The following CENPM variants were observed in gnomAD, a reference collection of about 807,000 sequenced individuals.
CENPM encodes the protein centromere protein M.
Under a neutral mutation model 19.6 loss-of-function variants are expected in CENPM, and 14 were observed. The ratio of observed to expected loss-of-function variants is 0.71; its 90% confidence interval spans 0.47 to 1.11. CENPM has a LOEUF of 1.11. Among genes scored for constraint, CENPM ranks in the 50% most tolerant of loss-of-function variants. The pLI, the probability that CENPM is intolerant of heterozygous loss-of-function variation, is 0.00. For missense variants in CENPM, 239 were observed against 228.4 expected, an observed-to-expected ratio of 1.05 and a Z score of -0.30; for synonymous variants, 114 against 101.5, an observed-to-expected ratio of 1.12 and a Z score of -0.74.
At chr22:41,936,456 T>C (rs1219795321), downstream of CENPM, among the ~76,000 whole-genome samples, 1 of 152,146 alleles carries the variant, frequency 6.6e-6, no homozygotes, top group Non-Finnish European at 1.5e-5. Context: ...TGCCAGGAAG[T>C]CAGCCAGGTG....
Position 41,938,803 on chromosome 22 carries a change from C to T in CENPM, c.*253G>A, listed in dbSNP as rs529394910. 33 of 445,708 alleles carry T rather than the reference C, an allele frequency of 7.4e-5. No homozygotes were observed. In the Admixed American group the frequency reaches 1.0e-3, roughly 14 times the overall value. 27.6% of individuals were successfully genotyped at this position (445,708 alleles called of 1,614,324 possible). On this transcript the variant is annotated 3_prime_UTR_variant, in exon 6 of 6. Coordinates refer to ENST00000215980, the MANE Select transcript of CENPM (RefSeq NM_024053.5). Reference sequence around the variant, plus strand: ...GGAAACCTTAAATGGAGATGTAACACGCCAGCTGCTTAAAGACACAGGCTC... The same window carrying T: ...GGAAACCTTAAATGGAGATGTAACATGCCAGCTGCTTAAAGACACAGGCTC...
intron 3 of CENPM, 142 bp from the exon 4 acceptor site, chr22:41,945,446 A>T: frequency 5.3e-6 from 7 of 1,332,976 alleles, no homozygotes; most frequent in Admixed American, 3.1e-5. Flanking sequence ...TTTGTCCTTT[A>T]ATTTTTTTTT....
chr22:41,934,471 C>T (rs2077675956), downstream of CENPM, among the ~76,000 whole-genome samples: 1 of 152,222 alleles, frequency 6.6e-6, no homozygotes, highest in Non-Finnish European at 1.5e-5. Flanking sequence ...GCGCCGCTTC[C>T]AGTAGCCTTC....
At chr22:41,939,398 A>G (rs930591372) in intron 5 of CENPM, among the ~76,000 whole-genome samples, 3 of 152,130 alleles carry the variant, frequency 2.0e-5, no homozygotes, top group Non-Finnish European at 2.9e-5. Context: ...CAATCCTTCA[A>G]ACAACCTCCG....
intron 5 of CENPM, among the ~76,000 whole-genome samples, chr22:41,942,737 C>A (rs1456146761): frequency 7.1e-6 from 1 of 141,810 alleles, no homozygotes; most frequent in Non-Finnish European, 1.5e-5. Context: ...GACAACAGAG[C>A]AAGACTCCAT....
At chr22:41,934,659 C>A (rs1322196652), downstream of CENPM, among the ~76,000 whole-genome samples, 3 of 152,164 alleles carry the variant, frequency 2.0e-5, no homozygotes, top group Non-Finnish European at 4.4e-5. Flanking sequence ...ATAGCAAGAC[C>A]CCATCTCTAA....
chr22:41,940,637 C>G, intron 5 of CENPM, among the ~76,000 whole-genome samples: 1 of 152,144 alleles, frequency 6.6e-6, no homozygotes, highest in Non-Finnish European at 1.5e-5. Flanking sequence ...CCTTCCACCT[C>G]GGCCTCCCTA....
At chr22:41,939,298 T>C (rs933886606) in intron 5 of CENPM, 102 bp from the exon 6 acceptor site, 20 of 1,416,074 alleles carry the variant, frequency 1.4e-5, no homozygotes, top group African/African-American at 4.3e-5. Flanking sequence ...GGGCGGATAC[T>C]TGGGGGTAGC....
chr22:41,937,101 C>G (rs75692143), downstream of CENPM, among the ~76,000 whole-genome samples: 4,441 of 152,228 alleles, frequency 0.029, 197 homozygotes, highest in African/African-American at 0.1. Flanking sequence ...GGACCTGGCT[C>G]TCTATGGGAT....
chr22:41,938,857 G>A lies in CENPM; in HGVS notation c.*199C>T. The A allele has an allele frequency of 1.7e-6, 1 of 582,612 alleles. No individual in the cohort carries two copies. The highest frequency in any genetic ancestry group is 3.1e-5 in the Admixed American group (1 of 31,796). The allele number at this position is 582,612 out of a possible 1,614,324, so 36.1% of individuals were successfully genotyped here. ...AAGAGTGAGTGTGGGAGTGGGAGGG[G>A]GCTACAGTCTCGCCAGCTGGGCCCC... On this transcript the variant is annotated 3_prime_UTR_variant, in exon 6 of 6. Coordinates refer to ENST00000215980, the MANE Select transcript of CENPM (RefSeq NM_024053.5).
Position 41,939,070 on chromosome 22 carries a change from G to C in CENPM, c.529C>G (p.Leu177Val). The change falls in exon 6 of 6, where the codon CTG becomes GTG. Residue 177 changes from leucine (L) to valine (V), a missense_variant. Coordinates refer to ENST00000215980, the MANE Select transcript of CENPM (RefSeq NM_024053.5). ...SLLRSSEGPS[L>V]EDL ...GCCAGCCACCCTCACAGGTCCTCCA[G>C]GGAGGGGCCCTCAGAGCTTCTCAGC... 2 of 1,613,056 alleles carry C rather than the reference G, an allele frequency of 1.2e-6. No homozygotes were observed. The highest frequency in any genetic ancestry group is 1.7e-5 in the Admixed American group (1 of 60,028).
Position 41,947,111 on chromosome 22 carries a change from C to G in CENPM, c.-35G>C. The G allele has an allele frequency of 1.2e-6, 2 of 1,607,560 alleles. No individual in the cohort carries two copies. The highest frequency in any genetic ancestry group is 2.2e-5 in the East Asian group (1 of 44,746). On this transcript the variant is annotated 5_prime_UTR_variant, in exon 1 of 6. Coordinates refer to ENST00000215980, the MANE Select transcript of CENPM (RefSeq NM_024053.5). ...AGGACCAACCGTTGCTCCTGCGGTGCGCGCCGATCTTTCAAACCGCCCTGA... is the reference window on the plus strand; with the variant it reads ...AGGACCAACCGTTGCTCCTGCGGTGGGCGCCGATCTTTCAAACCGCCCTGA...
At chr22:41,937,376 AC>A (rs2077688284), downstream of CENPM, among the ~76,000 whole-genome samples, 1 of 152,002 alleles carries the variant, frequency 6.6e-6, no homozygotes, top group Non-Finnish European at 1.5e-5. Context: ...GCTCACTGCA[AC>A]CTCCGCCTCC....
At chr22:41,929,853 C>T in the CENPM span, among the ~76,000 whole-genome samples, 162 of 146,748 alleles carry the variant, frequency 1.1e-3, no homozygotes, top group Middle Eastern at 0.014. Flanking sequence ...ACTTGGATGA[C>T]AAAACAGTTA....
chr22:41,936,580 G>T (rs2077684759), downstream of CENPM, among the ~76,000 whole-genome samples: 1 of 152,160 alleles, frequency 6.6e-6, no homozygotes, highest in South Asian at 2.1e-4. Context: ...GTTAGAAGGC[G>T]GCCCACCCCT....
At chr22:41,929,857 AC>A in the CENPM span, among the ~76,000 whole-genome samples, 2 of 151,734 alleles carry the variant, frequency 1.3e-5, no homozygotes, top group African/African-American at 4.8e-5. Flanking sequence ...GGATGACAAA[AC>A]AGTTAAGAAG....
chr22:41,946,151 G>C, intron 2 of CENPM, 146 bp from the exon 3 acceptor site: 1 of 739,180 alleles, frequency 1.4e-6, no homozygotes, highest in East Asian at 2.7e-5. Context: ...ACGACTCCTT[G>C]GGCCAGCACA....
chr22:41,945,480 TCAC>T, intron 3 of CENPM, 176 bp from the exon 4 acceptor site: 2 of 1,310,230 alleles, frequency 1.5e-6, no homozygotes, highest in Non-Finnish European at 2.0e-6. Flanking sequence ...AGATGGAGTT[TCAC>T]TTTGTTGCCC....
chr22:41,943,330 A>G (rs961437462), intron 5 of CENPM, among the ~76,000 whole-genome samples: 1 of 152,178 alleles, frequency 6.6e-6, no homozygotes, highest in African/African-American at 2.4e-5. Context: ...AAAGCAGGGC[A>G]GCACGTGCTA....
Sources: allele counts gnomAD v4.1 joint callset (sites outside exome capture counted in the v4.1 genomes callset), GRCh38; gene constraint gnomAD v4.1.1; transcripts MANE v1.5; gene names NCBI Gene and HGNC (gene_info 2026-07-23, HGNC 2026-07-21).